Variants in GPAA1 observed in about 807,000 individuals in gnomAD.
GPAA1 encodes the protein glycosylphosphatidylinositol anchor attachment 1.
A neutral mutation model predicts 64.0 loss-of-function variants in GPAA1; 54 were observed. The observed-to-expected ratio is 0.84, with a 90% CI of 0.68 to 1.06. GPAA1 has a LOEUF of 1.06. Among genes scored for constraint, GPAA1 ranks in the 50% least tolerant of loss-of-function variants. The pLI, the probability that GPAA1 is intolerant of heterozygous loss-of-function variation, is 0.00. For synonymous variants in GPAA1, 393 were observed against 377.3 expected (o/e 1.04, Z -0.48); for missense variants, 780 against 822.3 (o/e 0.95, Z 0.63).
chr8:144,084,778 CCTT>C lies in GPAA1; in HGVS notation c.1072_1074del (p.Phe358del). On this transcript the variant is annotated inframe_deletion, in exon 8 of 12. Transcript: ENST00000355091. ...CACCTCCTGGAGCGCCTGCACCAGT[CCTT>C]CTTCCTCTACTTGCTCCCCGGCCTC... 1.2e-6 allele frequency: 2 copies of C among 1,613,774 alleles called. No homozygotes were observed. Among genetic ancestry groups the C allele is most frequent in the South Asian group, 1.1e-5 (1 of 91,090 alleles).
Position 144,083,430 on chromosome 8 carries a change from T to C in GPAA1, c.296T>C (p.Val99Ala). 1.2e-6 allele frequency: 2 copies of C among 1,613,660 alleles called. No individual in the cohort carries two copies. The highest frequency in any genetic ancestry group is 2.2e-5 in the South Asian group (2 of 91,082). ...TGGCTTGAACGGACGATGCGGTCAG[T>C]AGGGCTGGAGGTCTACACGCAGAGT... Reference protein sequence around the residue: ...VAWLERTMRSVGLEVYTQSFS... With the variant: ...VAWLERTMRSAGLEVYTQSFS... Residue 99 changes from valine to alanine, a missense_variant, in exon 3 of 12, where the codon GTA (valine) becomes GCA (alanine). By Grantham distance (64) the Val-to-Ala change is moderately conservative. Transcript: ENST00000355091.
Position 144,082,639 on chromosome 8 carries a change from C to T in GPAA1, c.-92C>T, listed in dbSNP as rs1382798441. The T allele has an allele frequency of 3.4e-6, 3 of 877,234 alleles. No homozygotes were observed. The highest frequency in any genetic ancestry group is 4.7e-5 in the South Asian group (2 of 42,310). 54.3% of individuals were successfully genotyped at this position (877,234 alleles called of 1,614,324 possible). A position where few individuals can be genotyped will look rare whatever the true frequency, so the allele number is the denominator to read the frequency against. ...CTGGGACCGGAAGTGCGGGCGAGCGCGGGTCCCCGGGTCTGACAGGAGCAG... is the reference window on the plus strand; with the variant it reads ...CTGGGACCGGAAGTGCGGGCGAGCGTGGGTCCCCGGGTCTGACAGGAGCAG... On this transcript the variant is annotated 5_prime_UTR_variant, in exon 1 of 12. Transcript: ENST00000355091.
rs575210002 is a variant in GPAA1 at position 144,085,526 on chromosome 8, G to T, written c.1451+47G>T. Reference sequence around the variant, plus strand: ...TGGGGGCAGGGGTAGAGGTCCCCTGGACATGCAGACAGCTTGTGGGTTGCC... The same window carrying T: ...TGGGGGCAGGGGTAGAGGTCCCCTGTACATGCAGACAGCTTGTGGGTTGCC... On this transcript the variant is annotated intron_variant, in intron 10 of 11. Coordinates refer to ENST00000355091, the MANE Select transcript of GPAA1 (RefSeq NM_003801.4). 2.9e-5 allele frequency: 47 copies of T among 1,605,328 alleles called. No homozygotes were observed. In the South Asian group the frequency reaches 4.7e-4, roughly 16 times the overall value.
chr8:144,083,412 A>C lies in GPAA1; in HGVS notation c.278A>C (p.Glu93Ala), dbSNP rs373173010. The C allele has an allele frequency of 3.1e-6, 5 of 1,613,564 alleles. No homozygotes were observed. The highest frequency in any genetic ancestry group is 1.3e-5 in the African/African-American group (1 of 74,908). The change falls in exon 3 of 12, where the codon GAA becomes GCA. Residue 93 changes from glutamate (E) to alanine (A), a missense_variant. Glu to Ala is a moderately radical substitution (Grantham distance 107, BLOSUM62 -1). Coordinates refer to ENST00000355091, the MANE Select transcript of GPAA1 (RefSeq NM_003801.4). Reference sequence around the variant, plus strand: ...AGGGCTCTGCCAGTGGCCTGGCTTGAACGGACGATGCGGTCAGTAGGGCTG... The same window carrying C: ...AGGGCTCTGCCAGTGGCCTGGCTTGCACGGACGATGCGGTCAGTAGGGCTG... ...KSGALPVAWLERTMRSVGLEV... is the reference protein window; with the variant it reads ...KSGALPVAWLARTMRSVGLEV...
intron 11 of GPAA1, 53 bp from the exon 12 acceptor site, chr8:144,085,829 T>C (rs1554764305): frequency 1.4e-5 from 23 of 1,599,840 alleles, no homozygotes; most frequent in Non-Finnish European, 1.9e-5. Flanking sequence ...TCCCCCAACC[T>C]GGTGCCCATG....
rs1432244646 is a variant in GPAA1 at position 144,082,933 on chromosome 8, C to T, written c.74+129C>T. The T allele has an allele frequency of 3.3e-6, 3 of 899,126 alleles. No individual in the cohort carries two copies. The African/African-American group carries it at 5.3e-5, about 16-fold the overall frequency. 55.7% of individuals were successfully genotyped at this position (899,126 alleles called of 1,614,324 possible). On this transcript the variant is annotated intron_variant, in intron 1 of 11. Transcript: ENST00000355091. ...CGCCCCTCCGGCTGCTCGCGCCCTT[C>T]CGCTCCTGCCCTCTGGAAGCACTGA...
At position 144,082,694 on chromosome 8, in the gene GPAA1, C is replaced by T. The variant is rs556274542; in HGVS notation, c.-37C>T. ...TGGGCACCGCGGCGGTAGTTGGAGG[C>T]GGGAGAGGGTCCGTAGCCGCGCCGC... On this transcript the variant is annotated 5_prime_UTR_variant, in exon 1 of 12. Transcript: ENST00000355091. The T allele has an allele frequency of 2.9e-6, 4 of 1,373,296 alleles. No homozygotes were observed. The African/African-American group carries it at 4.6e-5, about 16-fold the overall frequency. 85.1% of individuals were successfully genotyped at this position (1,373,296 alleles called of 1,614,324 possible).
rs375659680 is a variant in GPAA1 at position 144,084,309 on chromosome 8, G to A, written c.792G>A (p.Leu264=). ...AGACCTTCTGCCAGAAAGGGGGCCT[G>A]TTGTGCACGCTTCAGGGCAAGGTGG... ...LFQTFCQKGG[L]LCTLQGKLQP... The change falls in exon 6 of 12, where the codon CTG becomes CTA. Residue 264 remains leucine, a synonymous_variant. Coordinates refer to ENST00000355091, the MANE Select transcript of GPAA1 (RefSeq NM_003801.4). 2 of 1,613,696 alleles carry A rather than the reference G, an allele frequency of 1.2e-6. No homozygotes were observed. Among genetic ancestry groups the A allele is most frequent in the African/African-American group, 2.7e-5 (2 of 74,936 alleles).
Position 144,086,115 on chromosome 8 carries a change from T to G in GPAA1, c.1856T>G (p.Phe619Cys). 1 of 1,612,458 alleles carries G rather than the reference T, an allele frequency of 6.2e-7. No individual in the cohort carries two copies. Among genetic ancestry groups the G allele is most frequent in the Admixed American group, 1.7e-5 (1 of 60,006 alleles). Residue 619 changes from phenylalanine to cysteine, a missense_variant, in exon 12 of 12, where the codon TTC (phenylalanine) becomes TGC (cysteine). Transcript: ENST00000355091. ...TGGCTGCTTTTCTGGAATGTGCTCT[T>G]CTGGAAGTGAGATCTGCCTGTCCGG... ...PCWLLFWNVL[F>C]WK
In GPAA1 at chr8:144,082,735, G is replaced by A. The variant is rs1835928983; in HGVS notation, c.5G>A (p.Gly2Asp). The A allele has an allele frequency of 6.9e-7, 1 of 1,458,896 alleles. No individual in the cohort carries two copies. Among genetic ancestry groups the A allele is most frequent in the Non-Finnish European group, 9.0e-7 (1 of 1,111,808 alleles). 90.4% of individuals were successfully genotyped at this position (1,458,896 alleles called of 1,614,324 possible). Residue 2 changes from glycine (G) to aspartate (D), a missense_variant, in exon 1 of 12, where the codon GGC becomes GAC. By Grantham distance (94) the Gly-to-Asp change is moderately conservative. Transcript: ENST00000355091. ...GCCGCGCCGCCCTGCCCCGCCATGG[G>A]CCTCCTGTCGGACCCGGTTCGCCGG... M[G>D]LLSDPVRRRA... is the part of the protein sequence containing the mutation.
At chr8:144,085,253 C>G (rs942926834) in intron 9 of GPAA1, 36 bp from the exon 10 acceptor site, 1 of 1,555,792 alleles carries the variant, frequency 6.4e-7, no homozygotes, top group Middle Eastern at 1.8e-4. Flanking sequence ...TCCCCTGGCC[C>G]CAGGGTCCAT....
chr8:144,084,927 C>A, intron 8 of GPAA1, 52 bp downstream of exon 8: 1 of 1,601,572 alleles, frequency 6.2e-7, no homozygotes, highest in Non-Finnish European at 8.5e-7. Context: ...GTCTCCTCAA[C>A]TCTAGGCTGG....
rs1554764145 is a variant in GPAA1 at position 144,085,025 on chromosome 8, G to A, written c.1165-18G>A. ...CAGATCCCGTTACACCTCTTGTTGG[G>A]GTCCTTGATTGGGCTACGCTCTGGA... On this transcript the variant is annotated intron_variant, in intron 8 of 11. Coordinates refer to ENST00000355091, the MANE Select transcript of GPAA1 (RefSeq NM_003801.4). The A allele has an allele frequency of 2.5e-6, 4 of 1,595,972 alleles. No individual in the cohort carries two copies. Among genetic ancestry groups the A allele is most frequent in the Middle Eastern group, 1.7e-4 (1 of 6,010 alleles).
rs1835952211 is a variant in GPAA1, at chr8:144,084,005, C to A, written c.581C>A (p.Ala194Asp). 1 of 1,614,104 alleles carries A rather than the reference C, an allele frequency of 6.2e-7. No individual in the cohort carries two copies. Among genetic ancestry groups the A allele is most frequent in the Non-Finnish European group, 8.5e-7 (1 of 1,179,932 alleles). The change falls in exon 5 of 12, where the codon GCT becomes GAT. Residue 194 changes from alanine to aspartate, a missense_variant. Physicochemically the swap from Ala to Asp is moderately radical, Grantham distance 126 (BLOSUM62 -2). Transcript: ENST00000355091. ...VTEHDLLGTE[A>D]WLEAYHDVNV... Reference sequence around the variant, plus strand: ...GAACATGACCTTCTGGGCACTGAGGCTTGGCTTGAAGCCTACCACGATGTC... The same window carrying A: ...GAACATGACCTTCTGGGCACTGAGGATTGGCTTGAAGCCTACCACGATGTC...
At chr8:144,085,765 T>C in intron 11 of GPAA1, 22 bp downstream of exon 11, 5 of 1,609,838 alleles carry the variant, frequency 3.1e-6, no homozygotes, top group Non-Finnish European at 4.2e-6. Flanking sequence ...TCAGCCCCAC[T>C]TCCCCCAATG....
intron 4 of GPAA1, 29 bp downstream of exon 4, chr8:144,083,890 G>A: frequency 6.2e-7 from 1 of 1,613,798 alleles, no homozygotes; most frequent in African/African-American, 1.3e-5. Flanking sequence ...GGCCGTGGAG[G>A]GGTTTGGTCA....
At chr8:144,083,354 G>A (rs1174265802) in intron 2 of GPAA1, 35 bp from the exon 3 acceptor site, 3 of 1,611,962 alleles carry the variant, frequency 1.9e-6, no homozygotes, top group South Asian at 1.1e-5. Context: ...CTAAGGCCGG[G>A]GAGCTCTGCT....
chr8:144,084,464 A>G lies in GPAA1; in HGVS notation c.865A>G (p.Thr289Ala). 6.2e-7 allele frequency: 1 copy of G among 1,613,238 alleles called. No individual in the cohort carries two copies. Among genetic ancestry groups the G allele is most frequent in the Admixed American group, 1.7e-5 (1 of 60,026 alleles). Residue 289 changes from threonine (T) to alanine (A), a missense_variant, in exon 7 of 12, where the codon ACA becomes GCA. Thr to Ala is a moderately conservative substitution (Grantham distance 58). Transcript: ENST00000355091. ...SLDGPLQGLQ[T>A]LLLMVLRQAS... ...GGATGGACCGCTGCAGGGCCTGCAG[A>G]CACTGCTGCTCATGGTTCTGCGGCA...
In GPAA1 at chr8:144,084,235, G is replaced by A; in HGVS notation, c.718G>A (p.Glu240Lys). Residue 240 changes from glutamate to lysine, a missense_variant, in exon 6 of 12, where the codon GAG becomes AAG. Coordinates refer to ENST00000355091, the MANE Select transcript of GPAA1 (RefSeq NM_003801.4). Reference protein sequence around the residue: ...DVVTSLDVAVEGLNGQLPNLD... With the variant: ...DVVTSLDVAVKGLNGQLPNLD... ...GGTCACCAGCCTCGATGTGGCCGTG[G>A]AGGGGCTTAACGGGCAGCTGCCCAA... 2 of 1,613,806 alleles carry A rather than the reference G, an allele frequency of 1.2e-6. No homozygotes were observed. The highest frequency in any genetic ancestry group is 1.7e-6 in the Non-Finnish European group (2 of 1,179,994).
Sources: gnomAD v4.1 joint callset for allele counts on GRCh38, gnomAD v4.1.1 for gene constraint, MANE v1.5 for transcripts, NCBI Gene and HGNC (gene_info 2026-07-23, HGNC 2026-07-21) for gene names.